PFKM: variants seen among roughly 807,000 people sequenced by gnomAD.
PFKM encodes ATP-dependent 6-phosphofructokinase, muscle type.
PFKM carries 58 observed loss-of-function variants against 95.5 expected under a neutral mutation model. The observed-to-expected ratio is 0.61, with a 90% confidence interval of 0.49 to 0.76. The LOEUF (loss-of-function observed/expected upper bound fraction) is 0.76. Among genes scored for constraint, PFKM ranks in the 30% least tolerant of loss-of-function variants. The pLI, the probability that PFKM is intolerant of heterozygous loss-of-function variation, is 0.00. For synonymous variants in PFKM, 336 were observed against 357.2 expected (o/e 0.94, Z 0.67); for missense variants, 678 against 1,005.4 (o/e 0.67, Z 4.40).
intron 13 of PFKM, among the ~76,000 whole-genome samples, chr12:48,140,376 T>C (rs926724998): frequency 1.4e-4 from 21 of 152,176 alleles, no homozygotes; most frequent in Non-Finnish European, 3.1e-4. Flanking sequence ...GCCAGGAATA[T>C]GCAGGTTTAA....
chr12:48,140,853 G>A lies in PFKM; in HGVS notation c.1323G>A (p.Glu441=). ...TGCTCGTTGTCCATGATGGTTTCGA[G>A]GGCCTGGCCAAGGGGCAGGTATGGG... ...NRVLVVHDGF[E]GLAKGQIEEA... The change falls in exon 14 of 23, where the codon GAG becomes GAA. Residue 441 remains glutamate, a synonymous_variant. Transcript: ENST00000359794. 1 of 1,614,200 alleles carries A rather than the reference G, an allele frequency of 6.2e-7. No homozygotes were observed. The highest frequency in any genetic ancestry group is 1.1e-5 in the South Asian group (1 of 91,084).
intron 20 of PFKM, among the ~76,000 whole-genome samples, chr12:48,144,823 T>C (rs1950886681): frequency 6.6e-6 from 1 of 151,758 alleles, no homozygotes; most frequent in African/African-American, 2.4e-5. Context: ...TTAGTTGTTA[T>C]TATATCTGAT....
chr12:48,133,038 G>A lies in PFKM; in HGVS notation c.408G>A (p.Leu136=). The stretch of plus-strand genomic sequence containing the variant: ...TCCGTTCTGAGTGGAGTGACTTGTT[G>A]AGTGACCTCCAGAAAGCAGGTAAGA... The part of the protein sequence containing the change: ...DTFRSEWSDL[L]SDLQKAGKIT... The change falls in exon 5 of 23, where the codon TTG becomes TTA. Residue 136 remains leucine, a synonymous_variant. Transcript: ENST00000359794. The A allele has an allele frequency of 3.1e-6, 5 of 1,614,156 alleles. No individual in the cohort carries two copies. The highest frequency in any genetic ancestry group is 4.2e-6 in the Non-Finnish European group (5 of 1,180,012).
At chr12:48,116,116 C>A (rs943678735), upstream of PFKM, among the ~76,000 whole-genome samples, 2 of 147,420 alleles carry the variant, frequency 1.4e-5, no homozygotes, top group Non-Finnish European at 1.5e-5. Context: ...TCCTTTCCCC[C>A]CTTCCCTCCC....
intron 1 of PFKM, among the ~76,000 whole-genome samples, chr12:48,121,235 C>T (rs1024125658): frequency 1.3e-5 from 2 of 152,186 alleles, no homozygotes; most frequent in African/African-American, 4.8e-5. Flanking sequence ...CCAGGGTAGC[C>T]ACCTGGACAA....
chr12:48,134,206 CTG>C, intron 6 of PFKM, 24 bp from the exon 7 acceptor site: 1 of 1,609,228 alleles, frequency 6.2e-7, no homozygotes, highest in South Asian at 1.1e-5. Flanking sequence ...GTCACTTGGA[CTG>C]TGTCATATGT....
chr12:48,142,626 C>G (rs1341262826), intron 17 of PFKM, among the ~76,000 whole-genome samples, 156 bp from the exon 18 acceptor site: 4 of 151,962 alleles, frequency 2.6e-5, no homozygotes, highest in Non-Finnish European at 5.9e-5. Flanking sequence ...GGCAAATATG[C>G]CTGTTACCCT....
At chr12:48,136,692 CTTTTTTTTTTTTT>C (rs1166389532) in intron 10 of PFKM, among the ~76,000 whole-genome samples, 1 of 63,026 alleles carries the variant, frequency 1.6e-5, no homozygotes, top group African/African-American at 7.6e-5. Flanking sequence ...GGGGTCGTCA[CTTTTTTTTTTTTT>C]TTTTTTTTTT....
intron 3 of PFKM, among the ~76,000 whole-genome samples, chr12:48,130,838 G>C (rs1459129813): frequency 1.3e-5 from 2 of 152,142 alleles, no homozygotes; most frequent in African/African-American, 4.8e-5. Context: ...ATCTTCTTTT[G>C]CACCCTTCTC....
Position 48,141,819 on chromosome 12 carries a change from G to A in PFKM, c.1492G>A (p.Gly498Ser). 3 of 1,613,770 alleles carry A rather than the reference G, an allele frequency of 1.9e-6. No individual in the cohort carries two copies. Among genetic ancestry groups the A allele is most frequent in the Non-Finnish European group, 2.5e-6 (3 of 1,179,746 alleles). The change falls in exon 16 of 23, where the codon GGC becomes AGC. Residue 498 changes from glycine (G) to serine (S), a missense_variant. Gly to Ser is a moderately conservative substitution (Grantham distance 56). Transcript: ENST00000359794. ...FNIQGLVIIG[G>S]FEAYTGGLEL... ...CATTCAGGGCCTTGTCATCATTGGG[G>A]GCTTTGAGGTGAGTGCCTGCCACCA...
At chr12:48,123,453 G>T (rs1276584616) in intron 2 of PFKM, among the ~76,000 whole-genome samples, 1 of 152,112 alleles carries the variant, frequency 6.6e-6, no homozygotes, top group Non-Finnish European at 1.5e-5. Flanking sequence ...CCTTTTCTAG[G>T]TTGAATTTAA....
At chr12:48,130,519 C>A in intron 3 of PFKM, 83 bp downstream of exon 3, 1 of 999,352 alleles carries the variant, frequency 1.0e-6, no homozygotes, top group Non-Finnish European at 1.6e-6. Flanking sequence ...CATTCTGTGT[C>A]CTTACCTCCC....
intron 10 of PFKM, among the ~76,000 whole-genome samples, chr12:48,136,921 T>A (rs1326362288): frequency 6.6e-6 from 1 of 150,992 alleles, no homozygotes; most frequent in African/African-American, 2.4e-5. Context: ...GCCCAGCTAA[T>A]TTTTTAAATT....
chr12:48,145,397 ATTC>A lies in PFKM; in HGVS notation c.2198+85_2198+87del. 7.4e-7 allele frequency: 1 copy of A among 1,347,658 alleles called. No individual in the cohort carries two copies. The highest frequency in any genetic ancestry group is 1.1e-6 in the Non-Finnish European group (1 of 947,368). The allele number at this position is 1,347,658 out of a possible 1,614,324, so 83.5% of individuals were successfully genotyped here. A position where few individuals can be genotyped will look rare whatever the true frequency, so the allele number is the denominator to read the frequency against. On this transcript the variant is annotated intron_variant, in intron 22 of 22. Transcript: ENST00000359794. The surrounding 1 kb of genome is among the most constrained non-coding windows in gnomAD (Gnocchi z 4.3). ...GTCCTCAACCTGTTCACTGTCTTTA[ATTC>A]TTTTTTTTTTTTAAGGAGTAACACC...
chr12:48,106,396 C>T (rs1001037808), intron 1 of PFKM: 8 of 469,928 alleles, frequency 1.7e-5, no homozygotes, highest in Non-Finnish European at 3.0e-5. Flanking sequence ...GCGAGTTTTG[C>T]TTGCTTGCGT....
intron 1 of PFKM, among the ~76,000 whole-genome samples, chr12:48,119,635 G>C (rs1251636097): frequency 6.6e-6 from 1 of 151,794 alleles, no homozygotes; most frequent in South Asian, 2.1e-4. Flanking sequence ...CCAGGAATCT[G>C]GGATGGGTGG....
intron 2 of PFKM, among the ~76,000 whole-genome samples, chr12:48,128,370 G>T (rs74089110): frequency 0.04 from 6,092 of 152,064 alleles, 348 homozygotes; most frequent in African/African-American, 0.12. Context: ...CTCCCAAGTA[G>T]CTGGGACTAT....
chr12:48,140,019 GC>G, intron 13 of PFKM, 107 bp downstream of exon 13: 1 of 751,530 alleles, frequency 1.3e-6, no homozygotes, highest in Non-Finnish European at 2.4e-6. Flanking sequence ...CAACTTCTCT[GC>G]CCCACTCTGA....
At position 48,146,380 on chromosome 12, in the gene PFKM, T is replaced by C. The variant is rs1951042840; in HGVS notation, c.*672T>C. On this transcript the variant is annotated 3_prime_UTR_variant, in exon 23 of 23. Coordinates refer to ENST00000359794, the MANE Select transcript of PFKM (RefSeq NM_000289.6). ...CACAGTTCTTTAGTGGGAAGAGAAA[T>C]TAACAATAAATATCAAGCACTGTGG... 1 of 153,012 alleles carries C rather than the reference T, an allele frequency of 6.5e-6. No homozygotes were observed. Among genetic ancestry groups the C allele is most frequent in the African/African-American group, 2.4e-5 (1 of 41,446 alleles). 9.5% of individuals were successfully genotyped at this position (153,012 alleles called of 1,614,324 possible).
Sources: gnomAD v4.1 joint callset for allele counts (sites outside exome capture counted in the v4.1 genomes callset) on GRCh38, gnomAD v4.1.1 for gene constraint, Gnocchi (gnomAD v3.1) non-coding constraint, MANE v1.5 for transcripts, NCBI Gene and HGNC (gene_info 2026-07-23, HGNC 2026-07-21) for gene names.